The following NKX3-2 variants were observed in gnomAD, a reference collection of about 807,000 sequenced individuals.
The protein encoded by NKX3-2 is homeobox protein Nkx-3.2.
NKX3-2 carries 13 observed loss-of-function variants against 19.4 expected under a neutral mutation model. That is an observed-to-expected ratio of 0.67 (90% CI 0.44 to 1.07). NKX3-2 has a LOEUF of 1.07. Ranked by LOEUF, NKX3-2 falls within the 50% of genes least tolerant of loss-of-function variation. The pLI is 0.00. For missense variants in NKX3-2, 562 were observed against 488.2 expected (o/e 1.15, Z -1.42); for synonymous variants, 269 against 230.5 (o/e 1.17, Z -1.51).
In NKX3-2 at chr4:13,541,822, A is replaced by G; in HGVS notation, c.*171T>C. The G allele has an allele frequency of 9.6e-7, 1 of 1,046,580 alleles. No individual in the cohort carries two copies. The highest frequency in any genetic ancestry group is 1.7e-5 in the South Asian group (1 of 59,244). The allele number at this position is 1,046,580 out of a possible 1,614,324, so 64.8% of individuals were successfully genotyped here. ...TTAGAAAAAGGCGCCCCCTCAGGGCAGACTCAGCCCAGCTGCCAGGGGACA... is the reference window on the plus strand; with the variant it reads ...TTAGAAAAAGGCGCCCCCTCAGGGCGGACTCAGCCCAGCTGCCAGGGGACA... On this transcript the variant is annotated 3_prime_UTR_variant, in exon 2 of 2. Coordinates refer to ENST00000382438, the MANE Select transcript of NKX3-2 (RefSeq NM_001189.4).
upstream of NKX3-2, chr4:13,547,501 GC>G (rs1405790522): frequency 1.7e-5 from 4 of 233,502 alleles, no homozygotes; most frequent in Non-Finnish European, 3.3e-5. Flanking sequence ...ACCCCGCCGC[GC>G]CCCCTCCGCG....
upstream of NKX3-2, chr4:13,547,359 C>T: frequency 2.5e-6 from 1 of 392,710 alleles, no homozygotes; most frequent in South Asian, 1.8e-5. Context: ...GCTCCAGGAA[C>T]TCTGCAACCT....
Position 13,543,963 on chromosome 4 carries a change from G to T in NKX3-2, c.452C>A (p.Ser151Tyr). The T allele has an allele frequency of 6.5e-7, 1 of 1,550,064 alleles. No individual in the cohort carries two copies. ...EAAGRSDSEM[S>Y]ASVSGDRSPR... is the part of the protein sequence containing the mutation. ...CCGCAGCAGACCTGAGACGCTGGCG[G>T]ACATCTCGCTGTCGCTCCGGCCCGC... Residue 151 changes from serine (S) to tyrosine (Y), a missense_variant, in exon 1 of 2, where the codon TCC (serine) becomes TAC (tyrosine). Physicochemically the swap from Ser to Tyr is moderately radical, Grantham distance 144 (BLOSUM62 -2). Coordinates refer to ENST00000382438, the MANE Select transcript of NKX3-2 (RefSeq NM_001189.4). The surrounding 1 kb of genome is among the most constrained non-coding windows in gnomAD (Gnocchi z 7.1).
At position 13,542,375 on chromosome 4, in the gene NKX3-2, T is replaced by C. The variant is rs1204254444; in HGVS notation, c.620A>G (p.Lys207Arg). Residue 207 changes from lysine to arginine, a missense_variant, in exon 2 of 2, where the codon AAG becomes AGG. Physicochemically the swap from Lys to Arg is conservative, Grantham distance 26. Coordinates refer to ENST00000382438, the MANE Select transcript of NKX3-2 (RefSeq NM_001189.4). The surrounding 1 kb of genome is among the most constrained non-coding windows in gnomAD (Gnocchi z 6.4). Reference protein sequence around the residue: ...EEPAAPKPRKKRSRAAFSHAQ... With the variant: ...EEPAAPKPRKRRSRAAFSHAQ... ...GTGGGAGAAAGCGGCCCGCGAGCGC[T>C]TCTTGCGTGGCTTGGGCGCCGCCGG... The C allele has an allele frequency of 2.0e-6, 3 of 1,518,248 alleles. No individual in the cohort carries two copies. Among genetic ancestry groups the C allele is most frequent in the Non-Finnish European group, 2.6e-6 (3 of 1,137,870 alleles). The allele number at this position is 1,518,248 out of a possible 1,614,324, so 94.0% of individuals were successfully genotyped here.
At chr4:13,544,724 GC>G, upstream of NKX3-2, 2 of 195,570 alleles carry the variant, frequency 1.0e-5, no homozygotes, top group Non-Finnish European at 2.1e-5. Context: ...GCTGGGGTCT[GC>G]CCCCTCGGGG....
Position 13,541,949 on chromosome 4 carries a change from G to T in NKX3-2, c.*44C>A. 1 of 1,552,146 alleles carries T rather than the reference G, an allele frequency of 6.4e-7. No homozygotes were observed. Among genetic ancestry groups the T allele is most frequent in the Non-Finnish European group, 8.7e-7 (1 of 1,148,550 alleles). On this transcript the variant is annotated 3_prime_UTR_variant, in exon 2 of 2. Transcript: ENST00000382438. ...GCCTACAGCTGTCAGCGCCGGTCCG[G>T]AGCCGGAGCGCGGGAATCACTCGCT...
chr4:13,546,662 A>C, upstream of NKX3-2: 4 of 351,110 alleles, frequency 1.1e-5, no homozygotes, highest in South Asian at 8.6e-5. Context: ...CAAATAATGG[A>C]GTGAGATCCG....
At position 13,544,207 on chromosome 4, in the gene NKX3-2, G is replaced by C. The variant is rs889810312; in HGVS notation, c.208C>G (p.Leu70Val). 2 of 1,598,670 alleles carry C rather than the reference G, an allele frequency of 1.3e-6. No homozygotes were observed. Among genetic ancestry groups the C allele is most frequent in the Non-Finnish European group, 1.7e-6 (2 of 1,178,302 alleles). Residue 70 changes from leucine to valine, a missense_variant, in exon 1 of 2, where the codon CTG (leucine) becomes GTG (valine). Leu to Val is a conservative substitution (Grantham distance 32). Coordinates refer to ENST00000382438, the MANE Select transcript of NKX3-2 (RefSeq NM_001189.4). ...AGALGGAEDS[L>V]LASPAGTRTA... is the part of the protein sequence containing the mutation. ...CTGGTACCGGCAGGAGACGCCAGCAGAGAGTCCTCGGCGCCCCCCAACGCG... is the reference window on the plus strand; with the variant it reads ...CTGGTACCGGCAGGAGACGCCAGCACAGAGTCCTCGGCGCCCCCCAACGCG...
upstream of NKX3-2, chr4:13,545,976 C>G (rs1039912008): frequency 2.0e-5 from 3 of 152,154 alleles, no homozygotes; most frequent in African/African-American, 7.2e-5. Flanking sequence ...ATGTGTTATT[C>G]CTTTTTTAAT....
Position 13,542,192 on chromosome 4 carries a change from G to A in NKX3-2, c.803C>T (p.Ala268Val). ...GGCGGGCGCCGAGGCCAGCAGGTCG[G>A]CTGCCATCTGCCGGCGCTTTGTCTT... is the stretch of plus-strand genomic sequence containing the variant. ...RYKTKRRQMA[A>V]DLLASAPAAK... The change falls in exon 2 of 2, where the codon GCC (alanine) becomes GTC (valine). Residue 268 changes from alanine to valine, a missense_variant. Transcript: ENST00000382438. This position sits in a 1 kb window ranked among gnomAD's most constrained non-coding sequence, Gnocchi z 6.4. The A allele has an allele frequency of 3.7e-6, 6 of 1,609,258 alleles. No homozygotes were observed. Among genetic ancestry groups the A allele is most frequent in the Non-Finnish European group, 5.1e-6 (6 of 1,178,202 alleles).
rs912575088 is a variant in NKX3-2 at position 13,542,675 on chromosome 4, C to G, written c.467-147G>C. 15 of 1,042,992 alleles carry G rather than the reference C, an allele frequency of 1.4e-5. No homozygotes were observed. The African/African-American group carries it at 2.3e-4, about 16-fold the overall frequency. 64.6% of individuals were successfully genotyped at this position (1,042,992 alleles called of 1,614,324 possible). On this transcript the variant is annotated intron_variant, in intron 1 of 1. Coordinates refer to ENST00000382438, the MANE Select transcript of NKX3-2 (RefSeq NM_001189.4). The surrounding 1 kb of genome is among the most constrained non-coding windows in gnomAD (Gnocchi z 6.4). Reference sequence around the variant, plus strand: ...GAGCGGAGGTCTGGGAGGCCCTGGGCCCGGGAGACCAGTCTTAGACTCTTG... The same window carrying G: ...GAGCGGAGGTCTGGGAGGCCCTGGGGCCGGGAGACCAGTCTTAGACTCTTG...
Position 13,544,104 on chromosome 4 carries a change from C to T in NKX3-2, c.311G>A (p.Arg104Lys), listed in dbSNP as rs1385541221. 6.3e-7 allele frequency: 1 copy of T among 1,596,762 alleles called. No homozygotes were observed. Among genetic ancestry groups the T allele is most frequent in the Non-Finnish European group, 8.5e-7 (1 of 1,174,198 alleles). The change falls in exon 1 of 2, where the codon AGG (arginine) becomes AAG (lysine). Residue 104 changes from arginine to lysine, a missense_variant. Transcript: ENST00000382438. Reference protein sequence around the residue: ...DSALSEENESRRRCADARGAS... With the variant: ...DSALSEENESKRRCADARGAS... ...CCCCCGCGCGTCCGCGCAGCGCCGC[C>T]TGCTCTCGTTCTCCTCGCTGAGCGC...
upstream of NKX3-2, chr4:13,546,845 G>GC (rs1339512785): frequency 4.5e-6 from 2 of 444,438 alleles, no homozygotes; most frequent in Non-Finnish European, 9.2e-6. Flanking sequence ...ACATACTCCT[G>GC]CCACAGCCTT....
rs1717971578 is a variant in NKX3-2 at position 13,541,065 on chromosome 4, A to C, written c.*928T>G. The C allele has an allele frequency of 2.6e-5, 4 of 152,230 alleles. No individual in the cohort carries two copies. The highest frequency in any genetic ancestry group is 2.6e-4 in the Admixed American group (4 of 15,270). The allele number at this position is 152,230 out of a possible 1,614,324, so 9.4% of individuals were successfully genotyped here. On this transcript the variant is annotated 3_prime_UTR_variant, in exon 2 of 2. Coordinates refer to ENST00000382438, the MANE Select transcript of NKX3-2 (RefSeq NM_001189.4). ...CGCAGAGGGCAGAAGGTAGACACTG[A>C]GGGCCAGGCAGCGGCACTGCGGTGG...
chr4:13,546,785 C>T (rs1003472130), upstream of NKX3-2: 1 of 387,308 alleles, frequency 2.6e-6, no homozygotes, highest in African/African-American at 2.1e-5. Context: ...CGAATCCCTC[C>T]CCTCTTCCCT....
chr4:13,543,957 C>G lies in NKX3-2; in HGVS notation c.458G>C (p.Ser153Thr), dbSNP rs1437925585. The change falls in exon 1 of 2, where the codon AGC (serine) becomes ACC (threonine). Residue 153 changes from serine (S) to threonine (T), a missense_variant. Coordinates refer to ENST00000382438, the MANE Select transcript of NKX3-2 (RefSeq NM_001189.4). The surrounding 1 kb of genome is among the most constrained non-coding windows in gnomAD (Gnocchi z 7.1). ...GCGAAGCCGCAGCAGACCTGAGACG[C>G]TGGCGGACATCTCGCTGTCGCTCCG... The part of the protein sequence containing the change: ...AGRSDSEMSA[S>T]VSGDRSPRTE... 2 of 1,547,560 alleles carry G rather than the reference C, an allele frequency of 1.3e-6. No homozygotes were observed. The highest frequency in any genetic ancestry group is 2.4e-5 in the South Asian group (2 of 82,954).
chr4:13,545,532 T>G (rs1177254982), upstream of NKX3-2, among the ~76,000 whole-genome samples: 1 of 152,166 alleles, frequency 6.6e-6, no homozygotes, highest in Admixed American at 6.5e-5. Flanking sequence ...TTAAGATCAC[T>G]CTAGAAATAT....
chr4:13,543,973 T>A lies in NKX3-2; in HGVS notation c.442A>T (p.Ser148Cys). ...LEEEAAGRSD[S>C]EMSASVSGDR... Reference sequence around the variant, plus strand: ...CCTGAGACGCTGGCGGACATCTCGCTGTCGCTCCGGCCCGCGGCTTCCTCC... The same window carrying A: ...CCTGAGACGCTGGCGGACATCTCGCAGTCGCTCCGGCCCGCGGCTTCCTCC... The change falls in exon 1 of 2, where the codon AGC becomes TGC. Residue 148 changes from serine (S) to cysteine (C), a missense_variant. Ser to Cys is a moderately radical substitution (Grantham distance 112). Coordinates refer to ENST00000382438, the MANE Select transcript of NKX3-2 (RefSeq NM_001189.4). The surrounding 1 kb of genome is among the most constrained non-coding windows in gnomAD (Gnocchi z 7.1). The A allele has an allele frequency of 6.4e-7, 1 of 1,555,324 alleles. No homozygotes were observed. The highest frequency in any genetic ancestry group is 8.7e-7 in the Non-Finnish European group (1 of 1,152,526).
In NKX3-2 at chr4:13,541,054, G is replaced by A. The variant is rs1321040040; in HGVS notation, c.*939C>T. On this transcript the variant is annotated 3_prime_UTR_variant, in exon 2 of 2. Transcript: ENST00000382438. ...AGCACTGGAGTCGCAGAGGGCAGAA[G>A]GTAGACACTGAGGGCCAGGCAGCGG... 1.3e-5 allele frequency: 2 copies of A among 152,270 alleles called. No individual in the cohort carries two copies. Among genetic ancestry groups the A allele is most frequent in the Admixed American group, 6.5e-5 (1 of 15,276 alleles). The allele number at this position is 152,270 out of a possible 1,614,324, so 9.4% of individuals were successfully genotyped here. A position where few individuals can be genotyped will look rare whatever the true frequency, so the allele number is the denominator to read the frequency against.
Sources: allele counts gnomAD v4.1 joint callset (sites outside exome capture counted in the v4.1 genomes callset), GRCh38; gene constraint gnomAD v4.1.1; non-coding constraint Gnocchi (gnomAD v3.1); transcripts MANE v1.5; gene names NCBI Gene and HGNC (gene_info 2026-07-23, HGNC 2026-07-21).